Variants in PCDHGA1 observed in about 807,000 individuals in gnomAD.
PCDHGA1 encodes the protein protocadherin gamma-A1.
Under a neutral mutation model 58.0 loss-of-function variants are expected in PCDHGA1, and 32 were observed. The ratio of observed to expected loss-of-function variants is 0.55; its 90% CI spans 0.42 to 0.74. PCDHGA1 has a LOEUF of 0.74. Ranked by LOEUF, PCDHGA1 falls within the 30% of genes least tolerant of loss-of-function variation. PCDHGA1 has a pLI of 0.00. For missense variants in PCDHGA1, 1,205 were observed against 1,182.3 expected, an observed-to-expected ratio of 1.02 and a Z score of -0.28; for synonymous variants, 498 against 501.1, an observed-to-expected ratio of 0.99 and a Z score of 0.08.
chr5:141,336,840 G>C (rs911640623), intron 1 of PCDHGA1, among the ~76,000 whole-genome samples: 1 of 152,182 alleles, frequency 6.6e-6, no homozygotes, highest in Non-Finnish European at 1.5e-5. Flanking sequence ...TATCAATAGA[G>C]TGAAAAGGCA....
chr5:141,353,604 A>C (rs1305841029), intron 1 of PCDHGA1, among the ~76,000 whole-genome samples: 1 of 152,204 alleles, frequency 6.6e-6, no homozygotes, highest in East Asian at 1.9e-4. Context: ...TTTCTTAACC[A>C]TTCCTAAATT....
intron 1 of PCDHGA1, chr5:141,341,269 C>A: frequency 1.2e-6 from 2 of 1,614,220 alleles, no homozygotes; most frequent in East Asian, 4.5e-5. Context: ...CGCGGAAGAG[C>A]CACCTGATTT....
chr5:141,489,165 G>T lies in PCDHGA1; in HGVS notation c.2422-5642G>T. ...GAAGGAGACATAAGAGACTTCAGCT[G>T]CTGCATTCCAAGCCCTGGGTCTACC... On this transcript the variant is annotated intron_variant, in intron 1 of 3. Coordinates refer to ENST00000517417, the MANE Select transcript of PCDHGA1 (RefSeq NM_018912.3). This position sits in a 1 kb window ranked among gnomAD's most constrained non-coding sequence, Gnocchi z 4.5. 9.2e-7 allele frequency: 1 copy of T among 1,082,084 alleles called. No homozygotes were observed. Among genetic ancestry groups the T allele is most frequent in the Non-Finnish European group, 1.3e-6 (1 of 745,856 alleles). 67.0% of individuals were successfully genotyped at this position (1,082,084 alleles called of 1,614,324 possible).
intron 1 of PCDHGA1, chr5:141,361,703 A>T: frequency 6.2e-7 from 1 of 1,613,388 alleles, no homozygotes; most frequent in Non-Finnish European, 8.5e-7. Context: ...TTCGATCATG[A>T]GCAGCTGCGC....
chr5:141,494,742 G>A (rs1223104681), intron 1 of PCDHGA1, 65 bp from the exon 2 acceptor site: 10 of 1,611,946 alleles, frequency 6.2e-6, no homozygotes, highest in Non-Finnish European at 8.5e-6. Context: ...CCCATCCCTA[G>A]GGGCTCGGGT....
At chr5:141,341,273 CT>C in intron 1 of PCDHGA1, 2 of 1,614,218 alleles carry the variant, frequency 1.2e-6, no homozygotes, top group Non-Finnish European at 1.7e-6. Flanking sequence ...GAAGAGCCAC[CT>C]GATTTTCCCC....
At chr5:141,389,034 T>C (rs369402592) in intron 1 of PCDHGA1, 34 of 1,613,840 alleles carry the variant, frequency 2.1e-5, no homozygotes, top group East Asian at 4.5e-5. Flanking sequence ...GACTTGTAAA[T>C]TGGAAGGTGA....
chr5:141,486,391 C>T lies in PCDHGA1; in HGVS notation c.2422-8416C>T. The T allele has an allele frequency of 6.2e-7, 1 of 1,614,112 alleles. No individual in the cohort carries two copies. The highest frequency in any genetic ancestry group is 8.5e-7 in the Non-Finnish European group (1 of 1,179,984). Reference sequence around the variant, plus strand: ...AGTCTGCCTTCAGGAACCAGTTCTCCCTGGTGACTGCTGGACCCTTGGATC... The same window carrying T: ...AGTCTGCCTTCAGGAACCAGTTCTCTCTGGTGACTGCTGGACCCTTGGATC... On this transcript the variant is annotated intron_variant, in intron 1 of 3. Transcript: ENST00000517417. The surrounding 1 kb of genome is among the most constrained non-coding windows in gnomAD (Gnocchi z 5.0).
intron 1 of PCDHGA1, chr5:141,351,549 C>T (rs1261569465): frequency 1.2e-6 from 2 of 1,614,036 alleles, no homozygotes; most frequent in South Asian, 1.1e-5. Flanking sequence ...GCCCTTTCCT[C>T]CAGGACAAGC....
chr5:141,491,232 G>C lies in PCDHGA1; in HGVS notation c.2422-3575G>C. The C allele has an allele frequency of 6.2e-7, 1 of 1,614,220 alleles. No individual in the cohort carries two copies. Among genetic ancestry groups the C allele is most frequent in the Non-Finnish European group, 8.5e-7 (1 of 1,180,034 alleles). On this transcript the variant is annotated intron_variant, in intron 1 of 3. Coordinates refer to ENST00000517417, the MANE Select transcript of PCDHGA1 (RefSeq NM_018912.3). The surrounding 1 kb of genome is among the most constrained non-coding windows in gnomAD (Gnocchi z 6.9). ...TCTCCTCCACAGCCACAGTGCTGCT[G>C]GTTCTGGAGGATGAGGACCCTGAGG... is the stretch of plus-strand genomic sequence containing the variant.
chr5:141,352,084 C>A (rs1254924328), intron 1 of PCDHGA1: 2 of 1,604,412 alleles, frequency 1.2e-6, no homozygotes, highest in Non-Finnish European at 8.5e-7. Context: ...TGCAGGCCAG[C>A]GAGCCCGGGC....
At chr5:141,502,093 G>C (rs1037154464) in intron 2 of PCDHGA1, among the ~76,000 whole-genome samples, 27 of 152,112 alleles carry the variant, frequency 1.8e-4, no homozygotes, top group Admixed American at 1.7e-3. Flanking sequence ...AGAACACCTG[G>C]CCTTGACCCT....
At chr5:141,347,137 C>CTCTCTCTTTCTT (rs375338309) in intron 1 of PCDHGA1, among the ~76,000 whole-genome samples, 10 of 113,744 alleles carry the variant, frequency 8.8e-5, no homozygotes, top group South Asian at 3.1e-4. Flanking sequence ...CTCTGTTTCT[C>CTCTCTCTTTCTT]TCTTTCTTTC....
chr5:141,415,031 G>T lies in PCDHGA1; in HGVS notation c.2422-79776G>T, dbSNP rs982540695. The T allele has an allele frequency of 6.2e-6, 10 of 1,613,464 alleles. No individual in the cohort carries two copies. The highest frequency in any genetic ancestry group is 6.8e-6 in the Non-Finnish European group (8 of 1,179,984). On this transcript the variant is annotated intron_variant, in intron 1 of 3. Transcript: ENST00000517417. ...CGTCTGCTCAAGGCCAGCGAGCCGGGACTCTTCGCGGTGGGGGAGCACACG... is the reference window on the plus strand; with the variant it reads ...CGTCTGCTCAAGGCCAGCGAGCCGGTACTCTTCGCGGTGGGGGAGCACACG...
At chr5:141,389,828 A>C in intron 1 of PCDHGA1, 1 of 1,613,938 alleles carries the variant, frequency 6.2e-7, no homozygotes, top group Non-Finnish European at 8.5e-7. Flanking sequence ...GTGACGGTGG[A>C]CAGCCACCAC....
At chr5:141,380,163 G>A (rs765381808) in intron 1 of PCDHGA1, among the ~76,000 whole-genome samples, 1 of 152,092 alleles carries the variant, frequency 6.6e-6, no homozygotes, top group African/African-American at 2.4e-5. Context: ...GCCTCTCAAA[G>A]GGCTGGGATT....
chr5:141,431,225 C>A lies in PCDHGA1; in HGVS notation c.2422-63582C>A. On this transcript the variant is annotated intron_variant, in intron 1 of 3. Coordinates refer to ENST00000517417, the MANE Select transcript of PCDHGA1 (RefSeq NM_018912.3). The surrounding 1 kb of genome is among the most constrained non-coding windows in gnomAD (Gnocchi z 4.8). ...CACTGAGATGCGGTTCCCTCTACCC[C>A]ACGCCTGGGATCCGGATATCGGGAA... The A allele has an allele frequency of 1.2e-6, 2 of 1,614,118 alleles. No individual in the cohort carries two copies. The highest frequency in any genetic ancestry group is 1.7e-6 in the Non-Finnish European group (2 of 1,180,036).
chr5:141,505,583 T>A, intron 3 of PCDHGA1, 102 bp downstream of exon 3: 1 of 1,583,650 alleles, frequency 6.3e-7, no homozygotes, highest in Non-Finnish European at 8.6e-7. Context: ...ACCTGTGTAG[T>A]TTCTCCAGAT....
intron 1 of PCDHGA1, chr5:141,402,981 G>A (rs375892904): frequency 1.2e-6 from 2 of 1,608,410 alleles, no homozygotes; most frequent in Non-Finnish European, 1.7e-6. Flanking sequence ...TGCCAGCTCC[G>A]CGGAAGATTA....
Sources: gnomAD v4.1 joint callset for allele counts (sites outside exome capture counted in the v4.1 genomes callset) on GRCh38, gnomAD v4.1.1 for gene constraint, Gnocchi (gnomAD v3.1) non-coding constraint, MANE v1.5 for transcripts, NCBI Gene and HGNC (gene_info 2026-07-23, HGNC 2026-07-21) for gene names.